Variants in RNLS observed in about 807,000 individuals in gnomAD.
The protein encoded by RNLS is renalase.
Under a neutral mutation model 39.8 loss-of-function variants are expected in RNLS, and 39 were observed. The observed-to-expected ratio is 0.98, with a 90% CI of 0.76 to 1.28. RNLS has a LOEUF of 1.28. Among genes scored for constraint, RNLS ranks in the 50% most tolerant of loss-of-function variants. The pLI is 0.00. For missense variants in RNLS, 410 were observed against 413.3 expected (o/e 0.99, Z 0.07); for synonymous variants, 147 against 150.7 (o/e 0.98, Z 0.18).
At chr10:88,287,002 T>C (rs1357533877) in intron 6 of RNLS, among the ~76,000 whole-genome samples, 1 of 152,018 alleles carries the variant, frequency 6.6e-6, no homozygotes, top group Non-Finnish European at 1.5e-5. Context: ...TTGCCCAGGC[T>C]GGTCTTGAAC....
chr10:88,235,505 TACTC>T, the RNLS span, among the ~76,000 whole-genome samples: 102 of 152,256 alleles, frequency 6.7e-4, no homozygotes, highest in Admixed American at 1.0e-3. Context: ...TGTAATATAT[TACTC>T]AATATGAATG....
rs189906198 is a variant in RNLS, at chr10:88,276,030, G to C, written c.877-998C>G. On this transcript the variant is annotated intron_variant, in intron 6 of 6. Coordinates refer to the RNLS transcript ENST00000371947. ...GATCAGGCCACTATACTCCAGCTTA[G>C]GTGACAGAGCAAGACACTGTCTCTA... Among the ~76,000 whole-genome samples the C allele has an allele frequency of 5.9e-5, 9 of 152,160 alleles. No individual in the cohort carries two copies. The East Asian group carries it at 1.7e-3, about 29-fold the overall frequency.
At chr10:88,327,369 C>T (rs1253164901) in intron 5 of RNLS, among the ~76,000 whole-genome samples, 1 of 152,088 alleles carries the variant, frequency 6.6e-6, no homozygotes, top group Admixed American at 6.6e-5. Context: ...GGGTGGTTTC[C>T]CCTACACTGT....
the RNLS span, among the ~76,000 whole-genome samples, chr10:88,260,624 T>C: frequency 4.6e-5 from 7 of 152,236 alleles, no homozygotes; most frequent in Non-Finnish European, 8.8e-5. Context: ...CCTTCATGGT[T>C]GGAAGGGTTC....
chr10:88,215,066 G>A, the RNLS span, among the ~76,000 whole-genome samples: 1 of 151,944 alleles, frequency 6.6e-6, no homozygotes, highest in South Asian at 2.1e-4. Context: ...AATCCTATTT[G>A]CAGGCCTAAA....
At chr10:88,424,414 G>A (rs1162500042) in intron 4 of RNLS, among the ~76,000 whole-genome samples, 1 of 152,158 alleles carries the variant, frequency 6.6e-6, no homozygotes, top group Admixed American at 6.6e-5. Context: ...AACTAGAGGA[G>A]AGGAATAGGT....
downstream of RNLS, among the ~76,000 whole-genome samples, chr10:88,281,212 CA>C (rs1419116315): frequency 6.6e-6 from 1 of 152,154 alleles, no homozygotes; most frequent in Non-Finnish European, 1.5e-5. Flanking sequence ...GCTTTCTGCA[CA>C]GTAAGAACTT....
At chr10:88,544,030 T>C (rs1638951476) in intron 4 of RNLS, among the ~76,000 whole-genome samples, 1 of 152,180 alleles carries the variant, frequency 6.6e-6, no homozygotes, top group African/African-American at 2.4e-5. Context: ...TCGCTCAGGC[T>C]CAGTCACTTA....
the RNLS span, among the ~76,000 whole-genome samples, chr10:88,263,352 T>C: frequency 6.6e-6 from 1 of 152,056 alleles, no homozygotes; most frequent in Non-Finnish European, 1.5e-5. Context: ...TATCTTAAAG[T>C]CCTAAGCCAA....
intron 5 of RNLS, 149 bp from the exon 6 acceptor site, chr10:88,314,790 G>A: frequency 3.1e-6 from 2 of 649,314 alleles, no homozygotes; most frequent in South Asian, 3.3e-5. Context: ...GCATAAATTA[G>A]GCATTTCTGA....
At chr10:88,409,731 T>C (rs1229338760) in intron 4 of RNLS, among the ~76,000 whole-genome samples, 1 of 152,152 alleles carries the variant, frequency 6.6e-6, no homozygotes, top group South Asian at 2.1e-4. Flanking sequence ...AAAAAATTAA[T>C]GGCAGAGCTG....
intron 4 of RNLS, among the ~76,000 whole-genome samples, chr10:88,526,444 C>T (rs967510225): frequency 2.6e-5 from 4 of 151,816 alleles, no homozygotes; most frequent in Admixed American, 6.6e-5. Context: ...TGAGAAGACA[C>T]AACAGCAGAC....
chr10:88,514,788 A>C (rs1011965936), intron 4 of RNLS, among the ~76,000 whole-genome samples: 1 of 152,072 alleles, frequency 6.6e-6, no homozygotes. Flanking sequence ...GCCTGTATAG[A>C]CCACATTTTC....
chr10:88,489,696 G>A (rs1844776033), intron 4 of RNLS, among the ~76,000 whole-genome samples: 1 of 152,186 alleles, frequency 6.6e-6, no homozygotes, highest in Non-Finnish European at 1.5e-5. Flanking sequence ...CTGTGACAGA[G>A]ACGCACATGT....
chr10:88,341,486 G>A lies in RNLS; in HGVS notation c.700+21066C>T, dbSNP rs576758809. On this transcript the variant is annotated intron_variant, in intron 5 of 6. Transcript: ENST00000331772. ...TTATGTAGACATAAGTACTTTCAGA[G>A]GCAAAGAGAACATACATATATATTC... Among the ~76,000 whole-genome samples, 4 of 152,068 alleles carry A rather than the reference G, an allele frequency of 2.6e-5. No individual in the cohort carries two copies. In the East Asian group the frequency reaches 7.7e-4, roughly 29 times the overall value.
the RNLS span, among the ~76,000 whole-genome samples, chr10:88,206,968 A>G: frequency 6.6e-6 from 1 of 152,176 alleles, no homozygotes; most frequent in Non-Finnish European, 1.5e-5. Flanking sequence ...GTAAAAGGTT[A>G]TAAAGGTGGC....
At chr10:88,453,315 G>A (rs140052829) in intron 4 of RNLS, among the ~76,000 whole-genome samples, 57 of 152,282 alleles carry the variant, frequency 3.7e-4, no homozygotes, top group African/African-American at 1.3e-3. Context: ...CAAGAAAACC[G>A]CCTTACCCAA....
At chr10:88,331,367 G>C (rs777480154) in intron 5 of RNLS, among the ~76,000 whole-genome samples, 8 of 152,172 alleles carry the variant, frequency 5.3e-5, no homozygotes, top group African/African-American at 9.7e-5. Context: ...AGGAGTGGAA[G>C]ACTTTAATGT....
chr10:88,249,705 C>G, the RNLS span, among the ~76,000 whole-genome samples: 1 of 152,174 alleles, frequency 6.6e-6, no homozygotes, highest in African/African-American at 2.4e-5. Context: ...AGTGTGACAG[C>G]CTCAGAGTGG....
Sources: gnomAD v4.1 joint callset for allele counts (sites outside exome capture counted in the v4.1 genomes callset) on GRCh38, gnomAD v4.1.1 for gene constraint, MANE v1.5 for transcripts, NCBI Gene and HGNC (gene_info 2026-07-23, HGNC 2026-07-21) for gene names.